The following BTBD2 variants were observed in gnomAD, a reference collection of about 807,000 sequenced individuals.
BTBD2 encodes BTB/POZ domain-containing protein 2.
BTBD2 carries 15 observed loss-of-function variants against 44.0 expected under a neutral mutation model. The observed-to-expected ratio is 0.34, with a 90% CI of 0.23 to 0.53. The LOEUF (loss-of-function observed/expected upper bound fraction) is 0.53. BTBD2 is among the 20% of genes least tolerant of loss of function. The probability of loss-of-function intolerance (pLI) is 0.95; values close to 1 mark genes in which losing one functional copy is unlikely to be tolerated. For synonymous variants in BTBD2, 443 were observed against 335.9 expected (o/e 1.32, Z -3.49); for missense variants, 657 against 746.4 (o/e 0.88, Z 1.39).
chr19:1,995,442 C>G (rs557354898), intron 2 of BTBD2, among the ~76,000 whole-genome samples: 4 of 150,870 alleles, frequency 2.7e-5, no homozygotes, highest in Non-Finnish European at 5.9e-5. Context: ...CCACCATGCC[C>G]GGCTAATTTT....
chr19:1,987,272 G>A lies in BTBD2; in HGVS notation c.1182-19C>T. On this transcript the variant is annotated intron_variant, in intron 6 of 8. Coordinates refer to ENST00000255608, the MANE Select transcript of BTBD2 (RefSeq NM_017797.4). Reference sequence around the variant, plus strand: ...TGAGAACCTGCCGTGGCAGATGACAGGCAGCAGCGTGGATACCCAGGGATA... The same window carrying A: ...TGAGAACCTGCCGTGGCAGATGACAAGCAGCAGCGTGGATACCCAGGGATA... 1 of 1,613,172 alleles carries A rather than the reference G, an allele frequency of 6.2e-7. No individual in the cohort carries two copies. The highest frequency in any genetic ancestry group is 1.1e-5 in the South Asian group (1 of 91,046).
chr19:1,986,424 G>A lies in BTBD2; in HGVS notation c.*64C>T, dbSNP rs2016082298. ...ACCGCGTGGTGGGGGGGCCCCAGCA[G>A]CAGATGATGGCCTGGGGCTGCGGCT... On this transcript the variant is annotated 3_prime_UTR_variant, in exon 9 of 9. Coordinates refer to ENST00000255608, the MANE Select transcript of BTBD2 (RefSeq NM_017797.4). 3 of 1,590,026 alleles carry A rather than the reference G, an allele frequency of 1.9e-6. No individual in the cohort carries two copies. In the East Asian group the frequency reaches 6.7e-5, roughly 36 times the overall value.
At chr19:1,996,454 T>C (rs1164503466) in intron 2 of BTBD2, among the ~76,000 whole-genome samples, 2 of 148,328 alleles carry the variant, frequency 1.3e-5, no homozygotes, top group Non-Finnish European at 3.0e-5. Context: ...TTGTGTCTTT[T>C]TAAATTTCTT....
intron 1 of BTBD2, among the ~76,000 whole-genome samples, chr19:2,009,855 A>C (rs994530618): frequency 6.9e-6 from 1 of 144,496 alleles, no homozygotes; most frequent in Non-Finnish European, 1.5e-5. Flanking sequence ...GTCTCAAAAA[A>C]ACAAAAAAGG....
chr19:1,989,823 G>A (rs2016147257), intron 5 of BTBD2, 181 bp downstream of exon 5: 1 of 676,144 alleles, frequency 1.5e-6, no homozygotes. Context: ...ACAGAGCCGG[G>A]CCGGGGCTAA....
rs111544202 is a variant in BTBD2 at position 2,000,111 on chromosome 19, C to T, written c.408-2648G>A. Among the ~76,000 whole-genome samples the T allele has an allele frequency of 3.2e-3, 487 of 152,304 alleles. 3 individuals are homozygous for T. Among genetic ancestry groups the T allele is most frequent in the South Asian group, 0.017 (80 of 4,824 alleles). On this transcript the variant is annotated intron_variant, in intron 1 of 8. Coordinates refer to ENST00000255608, the MANE Select transcript of BTBD2 (RefSeq NM_017797.4). ...GGCAGGAGGATCCTCCCTTGAGCCT[C>T]CAGAGGGAGCGCCGCCCTCGGACGC...
Position 2,015,532 on chromosome 19 carries a change from T to G in BTBD2, c.172A>C (p.Thr58Pro), listed in dbSNP as rs1186870210. The change falls in exon 1 of 9, where the codon ACG becomes CCG. Residue 58 changes from threonine (T) to proline (P), a missense_variant. Around this residue, in one of 3 missense-constraint regions of BTBD2, gnomAD observed 191 missense variants for 188.5 expected, o/e 1.01. Coordinates refer to ENST00000255608, the MANE Select transcript of BTBD2 (RefSeq NM_017797.4). Reference protein sequence around the residue: ...AAAAAAAPGPTPPAPPGPGTD... With the variant: ...AAAAAAAPGPPPPAPPGPGTD... ...CCGGGGCCCGGCGGGGCGGGCGGCG[T>G]CGGCCCAGGGGCGGCGGCGGCGGCG... The G allele has an allele frequency of 3.9e-5, 37 of 947,704 alleles. No individual in the cohort carries two copies. The Admixed American group carries it at 5.8e-4, about 15-fold the overall frequency. The allele number at this position is 947,704 out of a possible 1,614,324, so 58.7% of individuals were successfully genotyped here. A position where few individuals can be genotyped will look rare whatever the true frequency, so the allele number is the denominator to read the frequency against.
intron 3 of BTBD2, 103 bp from the exon 4 acceptor site, chr19:1,990,925 G>A (rs2016168670): frequency 3.7e-6 from 4 of 1,072,936 alleles, no homozygotes; most frequent in Non-Finnish European, 2.7e-6. Context: ...GACCACACGG[G>A]CCTTCCTGAG....
intron 1 of BTBD2, among the ~76,000 whole-genome samples, chr19:2,014,881 G>T (rs1287981892): frequency 6.6e-6 from 1 of 151,220 alleles, no homozygotes; most frequent in East Asian, 2.0e-4. Context: ...ATCCAGGGGG[G>T]CCTGGGGATG....
At chr19:2,003,453 G>C (rs887159970) in intron 1 of BTBD2, 10 of 150,204 alleles carry the variant, frequency 6.7e-5, no homozygotes, top group Admixed American at 3.3e-4. Context: ...GAGCCTGGGC[G>C]ACAGGGCAAG....
At chr19:1,987,381 C>T (rs1432146638) in intron 6 of BTBD2, 119 bp downstream of exon 6, 2 of 1,378,238 alleles carry the variant, frequency 1.5e-6, no homozygotes, top group Non-Finnish European at 1.9e-6. Context: ...GCCCGGCGGC[C>T]CCCCCGCCGT....
intron 1 of BTBD2, among the ~76,000 whole-genome samples, chr19:2,010,076 T>C (rs1351658969): frequency 6.7e-6 from 1 of 148,764 alleles, no homozygotes; most frequent in Non-Finnish European, 1.5e-5. Context: ...GGCATGAACC[T>C]GGGAGGCGGA....
chr19:1,988,186 C>G lies in BTBD2; in HGVS notation c.989-494G>C, dbSNP rs2145617693. On this transcript the variant is annotated intron_variant, in intron 5 of 8. Coordinates refer to ENST00000255608, the MANE Select transcript of BTBD2 (RefSeq NM_017797.4). Reference sequence around the variant, plus strand: ...GCAGACACCTTCTCAAGCGCTTACACCCCCAGGGGTGATGGCTAGCGGACC... The same window carrying G: ...GCAGACACCTTCTCAAGCGCTTACAGCCCCAGGGGTGATGGCTAGCGGACC... 3 of 156,296 alleles carry G rather than the reference C, an allele frequency of 1.9e-5. 1 individual carries two copies. Among genetic ancestry groups the G allele is most frequent in the Admixed American group, 1.9e-4 (3 of 16,168 alleles). 9.7% of individuals were successfully genotyped at this position (156,296 alleles called of 1,614,324 possible).
chr19:2,002,244 C>G (rs1268867542), intron 1 of BTBD2, among the ~76,000 whole-genome samples: 1 of 152,150 alleles, frequency 6.6e-6, no homozygotes, highest in African/African-American at 2.4e-5. Flanking sequence ...CAATGCCCAG[C>G]TAACTGTTAA....
At chr19:2,006,494 G>A (rs376927864) in intron 1 of BTBD2, among the ~76,000 whole-genome samples, 29 of 143,052 alleles carry the variant, frequency 2.0e-4, no homozygotes, top group Non-Finnish European at 4.0e-4. Context: ...GCGACAGAGC[G>A]AGACTCCGTC....
In BTBD2 at chr19:1,986,192, C is replaced by T. The variant is rs2016077539; in HGVS notation, c.*296G>A. 7 of 399,536 alleles carry T rather than the reference C, an allele frequency of 1.8e-5. No individual in the cohort carries two copies. The highest frequency in any genetic ancestry group is 1.2e-4 in the Admixed American group (3 of 24,794). 24.7% of individuals were successfully genotyped at this position (399,536 alleles called of 1,614,324 possible). On this transcript the variant is annotated 3_prime_UTR_variant, in exon 9 of 9. Coordinates refer to ENST00000255608, the MANE Select transcript of BTBD2 (RefSeq NM_017797.4). ...CGACGTGGGCAGGCGCCCTGAGCTG[C>T]GGGTCCGTGGGCCCTGGCCCAGGCC...
chr19:1,997,606 G>C, intron 1 of BTBD2, 143 bp from the exon 2 acceptor site: 1 of 1,267,358 alleles, frequency 7.9e-7, no homozygotes, highest in South Asian at 1.4e-5. Flanking sequence ...CCCGATGGCA[G>C]AGGCTTCTGG....
Position 1,987,632 on chromosome 19 carries a change from G to A in BTBD2, c.1049C>T (p.Thr350Ile). ...CTCCACTCGTGGCTTGGGGTTGACGGTGAAGTGCAGGAAGAGGCTGACCAC... is the reference window on the plus strand; with the variant it reads ...CTCCACTCGTGGCTTGGGGTTGACGATGAAGTGCAGGAAGAGGCTGACCAC... ...REVVSLFLHF[T>I]VNPKPRVEFI... is the part of the protein sequence containing the mutation. The change falls in exon 6 of 9, where the codon ACC becomes ATC. Residue 350 changes from threonine to isoleucine, a missense_variant. This residue lies in a region of BTBD2 where 449 missense variants were observed against 510.9 expected (regional missense o/e 0.88). Transcript: ENST00000255608. The A allele has an allele frequency of 6.2e-7, 1 of 1,612,522 alleles. No homozygotes were observed. The highest frequency in any genetic ancestry group is 8.5e-7 in the Non-Finnish European group (1 of 1,179,690).
intron 3 of BTBD2, chr19:1,991,185 TGGCCGG>T (rs1423428918): frequency 4.8e-6 from 1 of 208,482 alleles, no homozygotes; most frequent in Non-Finnish European, 9.8e-6. Flanking sequence ...AGAGGTGAGG[TGGCCGG>T]GGCCGACCGG....
Sources: gnomAD v4.1 joint callset for allele counts (sites outside exome capture counted in the v4.1 genomes callset) on GRCh38, gnomAD v4.1.1 for gene constraint, gnomAD v4.1.1 regional missense constraint, MANE v1.5 for transcripts, NCBI Gene and HGNC (gene_info 2026-07-23, HGNC 2026-07-21) for gene names.